EGFR: variants seen among roughly 807,000 people sequenced by gnomAD.
The protein encoded by EGFR is epidermal growth factor receptor, also known as avian erythroblastic leukemia viral (v-erb-b) oncogene homolog.
In EGFR, 58 loss-of-function variants were observed where a neutral mutation model predicts 143.0. That is an observed-to-expected ratio of 0.41 (90% CI 0.33 to 0.50). EGFR has a LOEUF of 0.50. Ranked by LOEUF, EGFR falls within the 20% of genes least tolerant of loss-of-function variation. The pLI is 0.39. For synonymous variants in EGFR, 613 were observed against 594.4 expected (o/e 1.03, Z -0.45); for missense variants, 1,307 against 1,579.0 (o/e 0.83, Z 2.92).
intron 1 of EGFR, among the ~76,000 whole-genome samples, chr7:55,075,686 G>A (rs1790097566): frequency 6.6e-6 from 1 of 152,190 alleles, no homozygotes; most frequent in African/African-American, 2.4e-5. Flanking sequence ...ACAGCACCCA[G>A]AGCCCTCAGA....
At chr7:55,141,934 A>T (rs543412351) in intron 1 of EGFR, among the ~76,000 whole-genome samples, 209 of 152,308 alleles carry the variant, frequency 1.4e-3, no homozygotes, top group Middle Eastern at 3.4e-3. Flanking sequence ...ATTTTCATCT[A>T]CCACCCACCC....
chr7:55,167,032 C>T lies in EGFR; in HGVS notation c.1880+1595C>T, dbSNP rs552189293. On this transcript the variant is annotated intron_variant, in intron 15 of 27. Coordinates refer to ENST00000275493, the MANE Select transcript of EGFR (RefSeq NM_005228.5). Reference sequence around the variant, plus strand: ...CACAATGGTGTCAGTGTTGATGGTCCGATGGTGATGAGGAGGTGGGAGTCA... The same window carrying T: ...CACAATGGTGTCAGTGTTGATGGTCTGATGGTGATGAGGAGGTGGGAGTCA... Among the ~76,000 whole-genome samples the T allele has an allele frequency of 4.9e-4, 32 of 64,832 alleles. 5 individuals are homozygous for T. The South Asian group carries it at 8.7e-3, about 18-fold the overall frequency. The allele number at this position is 64,832 out of a possible 152,430, so 42.5% of individuals were successfully genotyped here. A position where few individuals can be genotyped will look rare whatever the true frequency, so the allele number is the denominator to read the frequency against.
At position 55,210,289 on chromosome 7, in the gene EGFR, T is replaced by C. The variant is rs1285877442; in HGVS notation, c.*4672T>C. 6.6e-6 allele frequency: 1 copy of C among 152,234 alleles called. No individual in the cohort carries two copies. The highest frequency in any genetic ancestry group is 2.4e-5 in the African/African-American group (1 of 41,462). 9.4% of individuals were successfully genotyped at this position (152,234 alleles called of 1,614,324 possible). On this transcript the variant is annotated 3_prime_UTR_variant, in exon 28 of 28. Transcript: ENST00000275493. Reference sequence around the variant, plus strand: ...TTTACCAGTATAAACTAGACATGTCTGGAGAGCCTAATAATGTTCAGCACA... The same window carrying C: ...TTTACCAGTATAAACTAGACATGTCCGGAGAGCCTAATAATGTTCAGCACA...
At chr7:55,070,453 C>T (rs58234132) in intron 1 of EGFR, among the ~76,000 whole-genome samples, 2,092 of 152,308 alleles carry the variant, frequency 0.014, 42 homozygotes, top group African/African-American at 0.047. Context: ...GGAAAAGAAC[C>T]AATGTGTTGG....
intron 3 of EGFR, among the ~76,000 whole-genome samples, chr7:55,145,257 G>C (rs1358918115): frequency 1.3e-5 from 2 of 152,190 alleles, no homozygotes; most frequent in East Asian, 3.9e-4. Flanking sequence ...AGCTGCCACA[G>C]CAGCCTGGAC....
chr7:55,073,071 G>A lies in EGFR; in HGVS notation c.88+53706G>A, dbSNP rs535613405. 5.7e-4 allele frequency among the ~76,000 whole-genome samples: 87 copies of A among 152,254 alleles called. 1 individual carries two copies. Among genetic ancestry groups the A allele is most frequent in the African/African-American group, 2.0e-3 (83 of 41,552 alleles). Reference sequence around the variant, plus strand: ...TTTTGGCTAACTACCTGACTACTTTGTCGTTTCTCTTCCCTTGGAATGAAG... The same window carrying A: ...TTTTGGCTAACTACCTGACTACTTTATCGTTTCTCTTCCCTTGGAATGAAG... On this transcript the variant is annotated intron_variant, in intron 1 of 27. Transcript: ENST00000275493.
intron 1 of EGFR, among the ~76,000 whole-genome samples, chr7:55,125,270 T>G (rs12718945): frequency 0.51 from 77,701 of 152,180 alleles, 20,538 homozygotes; most frequent in East Asian, 0.7. Context: ...AATACTAAAA[T>G]GTGCAACATG....
chr7:55,134,965 T>G (rs896173337), intron 1 of EGFR, among the ~76,000 whole-genome samples: 2 of 152,180 alleles, frequency 1.3e-5, no homozygotes, highest in African/African-American at 4.8e-5. Flanking sequence ...TTGAGATAAC[T>G]GGCTAGAGAT....
chr7:55,118,962 C>T (rs1310204515), intron 1 of EGFR: 1 of 151,972 alleles, frequency 6.6e-6, no homozygotes, highest in East Asian at 1.9e-4. Context: ...TTAACAAATC[C>T]TACCTTTCCT....
chr7:55,054,466 C>T (rs2128875813), intron 1 of EGFR, among the ~76,000 whole-genome samples: 1 of 152,356 alleles, frequency 6.6e-6, no homozygotes, highest in Admixed American at 6.5e-5. Context: ...CTAACTTGGC[C>T]ATGCCGTGGC....
At chr7:55,190,153 C>T (rs549670033) in intron 20 of EGFR, among the ~76,000 whole-genome samples, 1 of 152,256 alleles carries the variant, frequency 6.6e-6, no homozygotes, top group Non-Finnish European at 1.5e-5. Flanking sequence ...TTTCCACCCA[C>T]CATCCTGACA....
chr7:55,055,662 G>A (rs113177724), intron 1 of EGFR, among the ~76,000 whole-genome samples: 19 of 151,460 alleles, frequency 1.3e-4, no homozygotes, highest in East Asian at 1.2e-3. Flanking sequence ...TTCCTCTCTC[G>A]AGGTCTCATC....
At chr7:55,196,295 A>G (rs1172313816) in intron 22 of EGFR, among the ~76,000 whole-genome samples, 1 of 150,182 alleles carries the variant, frequency 6.7e-6, no homozygotes, top group Non-Finnish European at 1.5e-5. Flanking sequence ...TTTTTCATAT[A>G]CTTGTTGGCT....
intron 1 of EGFR, among the ~76,000 whole-genome samples, chr7:55,139,180 A>G (rs1234556525): frequency 6.6e-6 from 1 of 152,204 alleles, no homozygotes; most frequent in African/African-American, 2.4e-5. Flanking sequence ...CACCATTTTC[A>G]TATTTGAGGA....
intron 1 of EGFR, among the ~76,000 whole-genome samples, chr7:55,142,083 A>G (rs978232811): frequency 6.6e-6 from 1 of 152,204 alleles, no homozygotes; most frequent in African/African-American, 2.4e-5. Flanking sequence ...TGTGTCCTTT[A>G]GTGAGAATTT....
At chr7:55,105,743 A>T (rs911164732) in intron 1 of EGFR, among the ~76,000 whole-genome samples, 5 of 152,222 alleles carry the variant, frequency 3.3e-5, no homozygotes, top group African/African-American at 1.2e-4. Flanking sequence ...AGAGTGAAAG[A>T]ACTCTGATTT....
chr7:55,185,909 A>C (rs1787114705), intron 20 of EGFR, among the ~76,000 whole-genome samples: 1 of 152,226 alleles, frequency 6.6e-6, no homozygotes, highest in Non-Finnish European at 1.5e-5. Context: ...TGGGCTACTT[A>C]ATTTGGTCCA....
intron 1 of EGFR, among the ~76,000 whole-genome samples, chr7:55,137,341 G>A (rs572034702): frequency 6.6e-6 from 1 of 152,142 alleles, no homozygotes; most frequent in Non-Finnish European, 1.5e-5. Flanking sequence ...TTACTTAGAC[G>A]ATTCTAAGTG....
At chr7:55,141,833 C>T (rs1794476385) in intron 1 of EGFR, among the ~76,000 whole-genome samples, 1 of 152,190 alleles carries the variant, frequency 6.6e-6, no homozygotes, top group South Asian at 2.1e-4. Flanking sequence ...TAACTCAACC[C>T]TACAGTTATA....
Sources: gnomAD v4.1 joint callset for allele counts (sites outside exome capture counted in the v4.1 genomes callset) on GRCh38, gnomAD v4.1.1 for gene constraint, MANE v1.5 for transcripts, NCBI Gene and HGNC (gene_info 2026-07-23, HGNC 2026-07-21) for gene names.